The following PYGO1 variants were observed in gnomAD, a reference collection of about 807,000 sequenced individuals.
PYGO1 encodes the protein pygopus homolog 1.
A neutral mutation model predicts 29.5 loss-of-function variants in PYGO1; 6 were observed. That is an observed-to-expected ratio of 0.20 (90% CI 0.11 to 0.40). The LOEUF is 0.40. Ranked by LOEUF, PYGO1 falls within the 10% of genes least tolerant of loss-of-function variation. The pLI is 1.00. For synonymous variants in PYGO1, 186 were observed against 180.5 expected, an observed-to-expected ratio of 1.03 and a Z score of -0.24; for missense variants, 515 against 514.9, an observed-to-expected ratio of 1.00 and a Z score of 0.00.
chr15:55,588,554 C>G (rs1457922186), upstream of PYGO1, among the ~76,000 whole-genome samples: 2 of 146,746 alleles, frequency 1.4e-5, no homozygotes, highest in African/African-American at 4.9e-5. Context: ...GGCCCGCGCG[C>G]GCCTCTTGCT....
chr15:55,586,629 C>G (rs2059047781), intron 1 of PYGO1, among the ~76,000 whole-genome samples: 1 of 152,232 alleles, frequency 6.6e-6, no homozygotes, highest in Non-Finnish European at 1.5e-5. Context: ...ACAATAGCTT[C>G]TTTGCTGTTG....
At chr15:55,586,833 T>A (rs532243353) in intron 1 of PYGO1, among the ~76,000 whole-genome samples, 35 of 152,300 alleles carry the variant, frequency 2.3e-4, no homozygotes, top group African/African-American at 8.4e-4. Flanking sequence ...TCCCCACACA[T>A]ATTTCCTCTC....
At position 55,543,763 on chromosome 15, in the gene PYGO1, T is replaced by C. The variant is rs538717547; in HGVS notation, c.*2260A>G. On this transcript the variant is annotated 3_prime_UTR_variant, in exon 3 of 3. Transcript: ENST00000563719. Reference sequence around the variant, plus strand: ...TGGAAAGTTCTACTCAAAATATCTATCATCTAGCTCTATTCAGGGTAATAA... The same window carrying C: ...TGGAAAGTTCTACTCAAAATATCTACCATCTAGCTCTATTCAGGGTAATAA... 10 of 152,298 alleles carry C rather than the reference T, an allele frequency of 6.6e-5. No homozygotes were observed. The highest frequency in any genetic ancestry group is 2.4e-4 in the African/African-American group (10 of 41,568). 9.4% of individuals were successfully genotyped at this position (152,298 alleles called of 1,614,324 possible).
intron 1 of PYGO1, among the ~76,000 whole-genome samples, chr15:55,587,093 C>A (rs1370104615): frequency 6.6e-6 from 1 of 152,198 alleles, no homozygotes; most frequent in African/African-American, 2.4e-5. Context: ...TTATTAAGAG[C>A]TAAAAGGCAT....
chr15:55,558,232 G>C (rs994775881), intron 1 of PYGO1, among the ~76,000 whole-genome samples: 4 of 152,116 alleles, frequency 2.6e-5, no homozygotes, highest in African/African-American at 9.7e-5. Context: ...CAAATCATGA[G>C]TGAACTCTCA....
intron 1 of PYGO1, among the ~76,000 whole-genome samples, chr15:55,559,417 T>C (rs1406908264): frequency 6.6e-6 from 1 of 152,108 alleles, no homozygotes; most frequent in Admixed American, 6.6e-5. Flanking sequence ...TGGAAGACAG[T>C]GCGGCGATTC....
intron 1 of PYGO1, among the ~76,000 whole-genome samples, chr15:55,564,033 A>C (rs1378633558): frequency 6.6e-6 from 1 of 152,170 alleles, no homozygotes; most frequent in Non-Finnish European, 1.5e-5. Context: ...GTAAAACATA[A>C]AGTTATCATA....
intron 1 of PYGO1, among the ~76,000 whole-genome samples, chr15:55,559,246 C>T (rs539279504): frequency 6.6e-6 from 1 of 152,204 alleles, no homozygotes; most frequent in South Asian, 2.1e-4. Context: ...TCATCACTGG[C>T]CATCAGAGAA....
chr15:55,543,179 A>G lies in PYGO1; in HGVS notation c.*2844T>C, dbSNP rs975588739. The G allele has an allele frequency of 6.6e-6, 1 of 152,094 alleles. No homozygotes were observed. Among genetic ancestry groups the G allele is most frequent in the Non-Finnish European group, 1.5e-5 (1 of 68,020 alleles). 9.4% of individuals were successfully genotyped at this position (152,094 alleles called of 1,614,324 possible). On this transcript the variant is annotated 3_prime_UTR_variant, in exon 3 of 3. Coordinates refer to ENST00000563719, the MANE Select transcript of PYGO1 (RefSeq NM_001367806.1). ...CACCTGTGTTTTTTTCCATCACTGCATATTTTTAAAGTTGAAGGCAGCTTA... is the reference window on the plus strand; with the variant it reads ...CACCTGTGTTTTTTTCCATCACTGCGTATTTTTAAAGTTGAAGGCAGCTTA...
chr15:55,578,838 A>C (rs1361910230), intron 1 of PYGO1, among the ~76,000 whole-genome samples: 3 of 152,114 alleles, frequency 2.0e-5, no homozygotes, highest in Non-Finnish European at 4.4e-5. Context: ...CACAATTTTA[A>C]AATTTTGATG....
In PYGO1 at chr15:55,587,900, T is replaced by C; in HGVS notation, c.-17A>G. ...TGCTGACATTACAGACCGCAAAGCA[T>C]GACTCCCCCCCAGGCCGCGGGAATT... is the stretch of plus-strand genomic sequence containing the variant. On this transcript the variant is annotated 5_prime_UTR_variant, in exon 1 of 3. An upstream start codon of the reference 5' UTR is lost. Coordinates refer to ENST00000563719, the MANE Select transcript of PYGO1 (RefSeq NM_001367806.1). The C allele has an allele frequency of 4.1e-6, 6 of 1,470,078 alleles. No individual in the cohort carries two copies. Among genetic ancestry groups the C allele is most frequent in the Non-Finnish European group, 5.4e-6 (6 of 1,110,090 alleles). The allele number at this position is 1,470,078 out of a possible 1,614,324, so 91.1% of individuals were successfully genotyped here.
chr15:55,588,917 T>C (rs922031748), upstream of PYGO1: 5 of 1,415,198 alleles, frequency 3.5e-6, no homozygotes, highest in African/African-American at 4.2e-5. Flanking sequence ...GTCTGTAGAA[T>C]GCCTCCACTT....
intron 1 of PYGO1, among the ~76,000 whole-genome samples, chr15:55,573,690 T>G (rs1321528532): frequency 6.6e-6 from 1 of 152,196 alleles, no homozygotes. Context: ...TGATACTCTG[T>G]GCAGTCAAAA....
chr15:55,565,726 A>T (rs1482421660), intron 1 of PYGO1, among the ~76,000 whole-genome samples: 1 of 152,028 alleles, frequency 6.6e-6, no homozygotes, highest in Non-Finnish European at 1.5e-5. Flanking sequence ...CCAAAAAAAA[A>T]CAAAAACAAA....
rs1237743163 is a variant in PYGO1, at chr15:55,588,143, GCGGCCCCCCACCC to G, written c.-273_-261del. On this transcript the variant is annotated 5_prime_UTR_variant, in exon 1 of 3. An upstream open reading frame in the 5' UTR loses its in-frame stop. Coordinates refer to ENST00000563719, the MANE Select transcript of PYGO1 (RefSeq NM_001367806.1). ...CGGTGGCCGGGAGCGCGGCCTGGGG[GCGGCCCCCCACCC>G]GGGGCCGGCATGTGCTGAGGGCGAG... is the stretch of plus-strand genomic sequence containing the variant. 1.3e-5 allele frequency: 9 copies of G among 706,694 alleles called. No individual in the cohort carries two copies. The Admixed American group carries it at 5.1e-4, about 40-fold the overall frequency. 43.8% of individuals were successfully genotyped at this position (706,694 alleles called of 1,614,324 possible). A position where few individuals can be genotyped will look rare whatever the true frequency, so the allele number is the denominator to read the frequency against.
intron 1 of PYGO1, among the ~76,000 whole-genome samples, chr15:55,573,260 T>C (rs575359585): frequency 1.3e-5 from 2 of 151,676 alleles, no homozygotes; most frequent in Non-Finnish European, 2.9e-5. Flanking sequence ...GAGCCAAGAC[T>C]GTGCCACTGC....
In PYGO1 at chr15:55,547,154, T is replaced by C. The variant is rs1293132830; in HGVS notation, c.136-7A>G. The C allele has an allele frequency of 6.4e-7, 1 of 1,573,868 alleles. No individual in the cohort carries two copies. The highest frequency in any genetic ancestry group is 2.2e-5 in the East Asian group (1 of 44,464). ...ATGGAGGGAAAGAAGGTCCCTGAAA[T>C]GAGAATGTAAAGTAAAATACATGTT... On this transcript the variant is annotated splice_region_variant and splice_polypyrimidine_tract_variant and intron_variant, in intron 2 of 2. Coordinates refer to ENST00000563719, the MANE Select transcript of PYGO1 (RefSeq NM_001367806.1).
At chr15:55,552,657 C>A (rs1478597153) in intron 1 of PYGO1, among the ~76,000 whole-genome samples, 1 of 152,110 alleles carries the variant, frequency 6.6e-6, no homozygotes, top group Non-Finnish European at 1.5e-5. Context: ...TCTTTGCAAC[C>A]CACAGATCAG....
intron 1 of PYGO1, among the ~76,000 whole-genome samples, chr15:55,570,764 G>A (rs2058976931): frequency 1.3e-5 from 2 of 151,664 alleles, no homozygotes; most frequent in South Asian, 4.2e-4. Context: ...TTTTAATTCT[G>A]GGCTTTGTCT....
Sources: gnomAD v4.1 joint callset for allele counts (sites outside exome capture counted in the v4.1 genomes callset) on GRCh38, gnomAD v4.1.1 for gene constraint, MANE v1.5 for transcripts, NCBI Gene and HGNC (gene_info 2026-07-23, HGNC 2026-07-21) for gene names.